KCNQ3: variants seen among roughly 807,000 people sequenced by gnomAD.
KCNQ3 encodes potassium voltage-gated channel subfamily Q member 3.
Under a neutral mutation model 92.5 loss-of-function variants are expected in KCNQ3, and 30 were observed. That is an observed-to-expected ratio of 0.32 (90% CI 0.24 to 0.44). KCNQ3 has a LOEUF of 0.44. Ranked by LOEUF, KCNQ3 falls within the 20% of genes least tolerant of loss-of-function variation. The probability of loss-of-function intolerance (pLI) is 1.00; values close to 1 mark genes in which losing one functional copy is unlikely to be tolerated. For synonymous variants in KCNQ3, 450 were observed against 468.8 expected, an observed-to-expected ratio of 0.96 and a Z score of 0.52; for missense variants, 913 against 1,140.3, an observed-to-expected ratio of 0.80 and a Z score of 2.87.
At chr8:132,476,932 G>A (rs1263770631) in intron 1 of KCNQ3, among the ~76,000 whole-genome samples, 1 of 152,150 alleles carries the variant, frequency 6.6e-6, no homozygotes, top group Non-Finnish European at 1.5e-5. Context: ...GTCGCCTGGT[G>A]GGAGGTGACT....
intron 1 of KCNQ3, among the ~76,000 whole-genome samples, chr8:132,308,822 G>C (rs570063919): frequency 6.6e-6 from 1 of 152,294 alleles, no homozygotes; most frequent in Non-Finnish European, 1.5e-5. Context: ...TAAACTGCTT[G>C]AGCTCCCACA....
chr8:132,136,330 G>C (rs1262132839), intron 12 of KCNQ3, among the ~76,000 whole-genome samples: 1 of 152,078 alleles, frequency 6.6e-6, no homozygotes, highest in Non-Finnish European at 1.5e-5. Flanking sequence ...ACATGTCAGA[G>C]AGTGAACTGC....
At chr8:132,316,945 A>G (rs181944663) in intron 1 of KCNQ3, among the ~76,000 whole-genome samples, 1 of 152,346 alleles carries the variant, frequency 6.6e-6, no homozygotes, top group Admixed American at 6.5e-5. Context: ...GACTCTGGAC[A>G]GGGGCTGCTG....
At position 132,127,214 on chromosome 8, in the gene KCNQ3, C is replaced by A. The variant is rs2130919257; in HGVS notation, c.*2048G>T. ...GATTGCCAGCATGTCAAATGGAAGC[C>A]CGTGGGGCTTCATGTCTGATGCATT... On this transcript the variant is annotated 3_prime_UTR_variant, in exon 15 of 15. Transcript: ENST00000388996. 1 of 152,248 alleles carries A rather than the reference C, an allele frequency of 6.6e-6. No individual in the cohort carries two copies. Among genetic ancestry groups the A allele is most frequent in the East Asian group, 1.9e-4 (1 of 5,166 alleles). 9.4% of individuals were successfully genotyped at this position (152,248 alleles called of 1,614,324 possible).
intron 1 of KCNQ3, among the ~76,000 whole-genome samples, chr8:132,410,183 G>A (rs1211176348): frequency 7.2e-5 from 11 of 152,122 alleles, no homozygotes; most frequent in Non-Finnish European, 2.9e-5. Context: ...TTTACTTAAG[G>A]AATGACTATA....
chr8:132,229,605 G>C (rs2042390606), intron 1 of KCNQ3, among the ~76,000 whole-genome samples: 1 of 152,036 alleles, frequency 6.6e-6, no homozygotes, highest in Admixed American at 6.5e-5. Flanking sequence ...AACAAACACA[G>C]GTTGGAACTC....
chr8:132,317,024 CTTACAT>C (rs1368037625), intron 1 of KCNQ3, among the ~76,000 whole-genome samples: 11 of 152,326 alleles, frequency 7.2e-5, no homozygotes, highest in African/African-American at 2.6e-4. Context: ...ATTCTGTTTG[CTTACAT>C]TTACAATAAA....
At chr8:132,185,281 C>T (rs535718121) in intron 2 of KCNQ3, among the ~76,000 whole-genome samples, 1 of 152,372 alleles carries the variant, frequency 6.6e-6, no homozygotes, top group South Asian at 2.1e-4. Flanking sequence ...TAGGGGGCCA[C>T]ACCACTGCCC....
rs201552546 is a variant in KCNQ3 at position 132,140,173 on chromosome 8, C to T, written c.1471G>A (p.Gly491Arg). Residue 491 changes from glycine to arginine, a missense_variant, in exon 11 of 15, where the codon GGG (glycine) becomes AGG (arginine). This residue lies in a region of KCNQ3 where 182 missense variants were observed against 234.5 expected (regional missense o/e 0.78). Transcript: ENST00000388996. The part of the protein sequence containing the change: ...YAFWQSSEDA[G>R]TGDPMAEDRG... ...TCTTCCGCCATGGGGTCACCTGTCC[C>T]GGCATCTGGGAGGGAGACACACATA... 76 of 1,612,706 alleles carry T rather than the reference C, an allele frequency of 4.7e-5. No individual in the cohort carries two copies. Among genetic ancestry groups the T allele is most frequent in the East Asian group, 1.8e-4 (8 of 44,870 alleles).
At position 132,124,734 on chromosome 8, in the gene KCNQ3, C is replaced by T. The variant is rs769759916; in HGVS notation, c.*4528G>A. On this transcript the variant is annotated 3_prime_UTR_variant, in exon 15 of 15. Coordinates refer to ENST00000388996, the MANE Select transcript of KCNQ3 (RefSeq NM_004519.4). ...TTAAAAGTTCATCCTGAAAAACAAG[C>T]CTTCAAGGACAAGTGAGGACATGAA... The T allele has an allele frequency of 7.2e-5, 11 of 152,174 alleles. No homozygotes were observed. Among genetic ancestry groups the T allele is most frequent in the African/African-American group, 2.4e-4 (10 of 41,442 alleles). The allele number at this position is 152,174 out of a possible 1,614,324, so 9.4% of individuals were successfully genotyped here.
intron 1 of KCNQ3, among the ~76,000 whole-genome samples, chr8:132,406,976 C>G (rs187869634): frequency 6.2e-4 from 95 of 152,300 alleles, no homozygotes; most frequent in African/African-American, 2.2e-3. Context: ...ACATTTCTTT[C>G]CCCTTTTATG....
chr8:132,318,345 A>G (rs1331736697), intron 1 of KCNQ3, among the ~76,000 whole-genome samples: 1 of 152,232 alleles, frequency 6.6e-6, no homozygotes, highest in African/African-American at 2.4e-5. Context: ...GAAAGTCTCA[A>G]AGATGTCTAG....
chr8:132,450,496 C>T (rs955574126), intron 1 of KCNQ3, among the ~76,000 whole-genome samples: 7 of 152,202 alleles, frequency 4.6e-5, no homozygotes, highest in African/African-American at 1.7e-4. Context: ...CTGGCTTCAC[C>T]TCTCACCTCC....
In KCNQ3 at chr8:132,184,093, C is replaced by T. The variant is rs1032193926; in HGVS notation, c.604+148G>A. 4 of 951,190 alleles carry T rather than the reference C, an allele frequency of 4.2e-6. No individual in the cohort carries two copies. In the South Asian group the frequency reaches 5.4e-5, roughly 13 times the overall value. 58.9% of individuals were successfully genotyped at this position (951,190 alleles called of 1,614,324 possible). ...TGAGGACCCAGAAGGTTGACACTGT[C>T]CCTTCTCATCGAGGCAGCGTCAGGG... On this transcript the variant is annotated intron_variant, in intron 3 of 14. Transcript: ENST00000388996.
At chr8:132,186,727 A>G (rs887350983) in intron 1 of KCNQ3, among the ~76,000 whole-genome samples, 3 of 152,116 alleles carry the variant, frequency 2.0e-5, no homozygotes, top group South Asian at 2.1e-4. Flanking sequence ...ACCTCTTTCA[A>G]TTGGGGATCT....
chr8:132,134,352 C>G lies in KCNQ3; in HGVS notation c.1737G>C (p.Thr579=). 1 of 1,613,762 alleles carries G rather than the reference C, an allele frequency of 6.2e-7. No homozygotes were observed. The highest frequency in any genetic ancestry group is 8.5e-7 in the Non-Finnish European group (1 of 1,179,822). ...DMIFTPGPPS[T]PKHKKSQKGS... Reference sequence around the variant, plus strand: ...CTTTCTGAGACTTCTTGTGTTTTGGCGTGGAGGGAGGTCCAGGGGTGAAAA... The same window carrying G: ...CTTTCTGAGACTTCTTGTGTTTTGGGGTGGAGGGAGGTCCAGGGGTGAAAA... The change falls in exon 13 of 15, where the codon ACG becomes ACC. Residue 579 remains threonine (T), a synonymous_variant. Transcript: ENST00000388996.
chr8:132,285,785 C>G (rs756094675), intron 1 of KCNQ3, among the ~76,000 whole-genome samples: 1 of 152,140 alleles, frequency 6.6e-6, no homozygotes, highest in Non-Finnish European at 1.5e-5. Flanking sequence ...CATCACATGC[C>G]CAGAAGCCTA....
At chr8:132,244,695 G>A (rs1815104142) in intron 1 of KCNQ3, among the ~76,000 whole-genome samples, 1 of 152,144 alleles carries the variant, frequency 6.6e-6, no homozygotes, top group South Asian at 2.1e-4. Flanking sequence ...GGTCAGGTTT[G>A]AGGATCTCCA....
chr8:132,368,573 G>C (rs1819385890), intron 1 of KCNQ3, among the ~76,000 whole-genome samples: 1 of 151,884 alleles, frequency 6.6e-6, no homozygotes, highest in Non-Finnish European at 1.5e-5. Flanking sequence ...GGATCACTTG[G>C]GCCCCGGGGG....
Sources: allele counts gnomAD v4.1 joint callset (sites outside exome capture counted in the v4.1 genomes callset), GRCh38; gene constraint gnomAD v4.1.1; regional missense constraint gnomAD v4.1.1; transcripts MANE v1.5; gene names NCBI Gene and HGNC (gene_info 2026-07-23, HGNC 2026-07-21).